HS2ST1: variants seen among roughly 807,000 people sequenced by gnomAD.
The protein encoded by HS2ST1 is 2-O-sulfotransferase.
In HS2ST1, 18 loss-of-function variants were observed where a neutral mutation model predicts 42.9. That is an observed-to-expected ratio of 0.42 (90% CI 0.29 to 0.62). The LOEUF (loss-of-function observed/expected upper bound fraction) is 0.62, where lower values mean the gene tolerates loss of function less well. Among genes scored for constraint, HS2ST1 ranks in the 20% least tolerant of loss-of-function variants. The pLI is 0.21. For synonymous variants in HS2ST1, 146 were observed against 152.9 expected (o/e 0.95, Z 0.33); for missense variants, 334 against 433.8 (o/e 0.77, Z 2.04).
At chr1:86,938,696 C>T (rs984031593) in intron 1 of HS2ST1, among the ~76,000 whole-genome samples, 8 of 151,898 alleles carry the variant, frequency 5.3e-5, no homozygotes, top group African/African-American at 1.7e-4. Flanking sequence ...TGTCATTCAC[C>T]GTGGCACAGT....
chr1:87,051,080 C>A (rs1217471786), intron 1 of HS2ST1, among the ~76,000 whole-genome samples: 1 of 148,008 alleles, frequency 6.8e-6, no homozygotes, highest in Non-Finnish European at 1.5e-5. Context: ...ATTTAGTATG[C>A]TATATTATTT....
intron 1 of HS2ST1, chr1:87,046,526 T>C (rs751242812): frequency 6.6e-5 from 101 of 1,531,944 alleles, no homozygotes; most frequent in Non-Finnish European, 8.6e-5. Context: ...TACCAAGCTT[T>C]TTAAAGATGA....
chr1:87,088,042 G>A (rs1268435203), intron 3 of HS2ST1, among the ~76,000 whole-genome samples: 2 of 152,038 alleles, frequency 1.3e-5, no homozygotes, highest in Non-Finnish European at 2.9e-5. Context: ...TAATGTAGAT[G>A]GAGCACTTAG....
intron 5 of HS2ST1, among the ~76,000 whole-genome samples, chr1:87,100,455 C>A (rs751387247): frequency 1.3e-5 from 2 of 152,270 alleles, no homozygotes; most frequent in South Asian, 2.1e-4. Context: ...ATTCTTCCCC[C>A]CAAGGCTTCT....
intron 1 of HS2ST1, among the ~76,000 whole-genome samples, chr1:86,943,265 T>A (rs1256533877): frequency 6.6e-6 from 1 of 152,204 alleles, no homozygotes; most frequent in Non-Finnish European, 1.5e-5. Context: ...AAATGTCTGA[T>A]ACTGAGCTTT....
intron 1 of HS2ST1, among the ~76,000 whole-genome samples, chr1:87,058,362 C>T (rs1172891420): frequency 6.6e-6 from 1 of 151,756 alleles, no homozygotes; most frequent in African/African-American, 2.4e-5. Context: ...AAGGATTCTG[C>T]CTCTTTTTCA....
intron 4 of HS2ST1, among the ~76,000 whole-genome samples, chr1:87,095,581 G>A (rs1652040825): frequency 6.6e-6 from 1 of 152,088 alleles, no homozygotes; most frequent in Non-Finnish European, 1.5e-5. Context: ...TTTAACCTTT[G>A]CCCAGTACCT....
At chr1:87,031,204 G>A (rs968896190) in intron 1 of HS2ST1, among the ~76,000 whole-genome samples, 2 of 152,094 alleles carry the variant, frequency 1.3e-5, no homozygotes, top group African/African-American at 4.8e-5. Flanking sequence ...GCCTCCCAAA[G>A]TGCTGGGATT....
At chr1:86,962,132 A>C (rs1227329751) in intron 1 of HS2ST1, among the ~76,000 whole-genome samples, 1 of 152,210 alleles carries the variant, frequency 6.6e-6, no homozygotes, top group East Asian at 1.9e-4. Flanking sequence ...AAGGAAAAAC[A>C]TCTTGTTGGG....
In HS2ST1 at chr1:87,050,325, CAAGT is replaced by C. The variant is rs1458572066; in HGVS notation, c.125-22606_125-22603del. On this transcript the variant is annotated intron_variant, in intron 1 of 6. Transcript: ENST00000370550. ...ATTTGAATAATTTGATAGATCCCAT[CAAGT>C]AATCTTATTCCTAAAATTTCTATTT... Among the ~76,000 whole-genome samples the C allele has an allele frequency of 4.0e-5, 6 of 151,760 alleles. No homozygotes were observed. In the East Asian group the frequency reaches 9.6e-4, roughly 24 times the overall value.
intron 1 of HS2ST1, among the ~76,000 whole-genome samples, chr1:87,005,349 A>C (rs1027779477): frequency 2.6e-5 from 4 of 152,272 alleles, no homozygotes; most frequent in African/African-American, 9.6e-5. Flanking sequence ...GTACCTTTTT[A>C]AGCAAATAAA....
intron 1 of HS2ST1, among the ~76,000 whole-genome samples, chr1:86,962,951 G>T (rs1397160564): frequency 6.6e-6 from 1 of 152,038 alleles, no homozygotes; most frequent in African/African-American, 2.4e-5. Flanking sequence ...CTCTTCCAAG[G>T]TAGTGATTCT....
chr1:87,033,311 A>G (rs1355380451), intron 1 of HS2ST1, among the ~76,000 whole-genome samples: 1 of 152,202 alleles, frequency 6.6e-6, no homozygotes, highest in East Asian at 1.9e-4. Flanking sequence ...TAGTTGGTGA[A>G]CTAGAATGGA....
At chr1:87,044,382 A>G (rs780640227) in intron 1 of HS2ST1, among the ~76,000 whole-genome samples, 4 of 152,184 alleles carry the variant, frequency 2.6e-5, no homozygotes, top group Admixed American at 6.5e-5. Flanking sequence ...AATTGGCTTC[A>G]TACACAGACA....
At chr1:87,007,402 C>A (rs1649472297) in intron 1 of HS2ST1, among the ~76,000 whole-genome samples, 1 of 152,024 alleles carries the variant, frequency 6.6e-6, no homozygotes, top group African/African-American at 2.4e-5. Context: ...GCTCCTGCCA[C>A]CATTTCTACA....
chr1:87,045,555 C>G, intron 1 of HS2ST1: 1 of 797,764 alleles, frequency 1.3e-6, no homozygotes. Flanking sequence ...ATCCAGTGCA[C>G]AAGGCACAAG....
chr1:86,950,840 A>C (rs1288069660), intron 1 of HS2ST1, among the ~76,000 whole-genome samples: 5 of 152,184 alleles, frequency 3.3e-5, no homozygotes, highest in Non-Finnish European at 5.9e-5. Flanking sequence ...TCAGCATAAA[A>C]AGTGGGTAAA....
At position 87,103,400 on chromosome 1, in the gene HS2ST1, A is replaced by G. The variant is rs774630171; in HGVS notation, c.687-32A>G. The G allele has an allele frequency of 2.9e-5, 46 of 1,562,622 alleles. 1 individual carries two copies. The South Asian group carries it at 5.6e-4, about 19-fold the overall frequency. ...CCAGAAACACTCAGCAGATTTCACA[A>G]CCAGGTTTTAATTCCTTTTCTTTGG... is the stretch of plus-strand genomic sequence containing the variant. On this transcript the variant is annotated intron_variant, in intron 5 of 6. Transcript: ENST00000370550.
chr1:87,066,236 C>T (rs1311501217), intron 1 of HS2ST1, among the ~76,000 whole-genome samples: 3 of 152,178 alleles, frequency 2.0e-5, no homozygotes, highest in African/African-American at 7.2e-5. Context: ...GCTAATCTGA[C>T]ACGTGGAAAA....
Sources: gnomAD v4.1 joint callset for allele counts (sites outside exome capture counted in the v4.1 genomes callset) on GRCh38, gnomAD v4.1.1 for gene constraint, MANE v1.5 for transcripts, NCBI Gene and HGNC (gene_info 2026-07-23, HGNC 2026-07-21) for gene names.